Variants in PPFIBP1 observed in about 807,000 individuals in gnomAD.
The protein encoded by PPFIBP1 is liprin-beta-1.
PPFIBP1 carries 112 observed loss-of-function variants against 137.8 expected under a neutral mutation model. The observed-to-expected ratio is 0.81, with a 90% CI of 0.70 to 0.95. PPFIBP1 has a LOEUF of 0.95. PPFIBP1 is among the 40% of genes least tolerant of loss of function. PPFIBP1 has a pLI of 0.00. For missense variants in PPFIBP1, 1,083 were observed against 1,196.6 expected (o/e 0.91, Z 1.40); for synonymous variants, 378 against 417.3 (o/e 0.91, Z 1.15).
intron 2 of PPFIBP1, among the ~76,000 whole-genome samples, chr12:27,588,071 C>T (rs1276642847): frequency 6.6e-6 from 1 of 152,156 alleles, no homozygotes; most frequent in Admixed American, 6.5e-5. Context: ...ATCGTATAGT[C>T]TAGATTCATC....
intron 1 of PPFIBP1, among the ~76,000 whole-genome samples, chr12:27,535,365 T>A (rs1311520615): frequency 6.6e-6 from 1 of 152,194 alleles, no homozygotes; most frequent in Non-Finnish European, 1.5e-5. Context: ...AATTTACTCT[T>A]CATCTTTTTA....
At chr12:27,649,425 A>G (rs896101793) in intron 6 of PPFIBP1, among the ~76,000 whole-genome samples, 1 of 152,240 alleles carries the variant, frequency 6.6e-6, no homozygotes, top group Non-Finnish European at 1.5e-5. Flanking sequence ...CAATGTTATC[A>G]TCAGACTGAA....
At chr12:27,620,875 T>C (rs2056281512) in intron 2 of PPFIBP1, among the ~76,000 whole-genome samples, 1 of 152,254 alleles carries the variant, frequency 6.6e-6, no homozygotes, top group South Asian at 2.1e-4. Flanking sequence ...CCTTCTCACC[T>C]GCTATATATT....
Position 27,682,615 on chromosome 12 carries a change from G to T in PPFIBP1, c.2159G>T (p.Arg720Ile), listed in dbSNP as rs759088187. 6 of 1,613,974 alleles carry T rather than the reference G, an allele frequency of 3.7e-6. No individual in the cohort carries two copies. In the East Asian group the frequency reaches 1.1e-4, roughly 30 times the overall value. ...AGCAACACTGGCCTCTCTCTTTTAG[G>T]ATGGTTGGATGACATTGGCCTCCCT... ...HGKLDFNWVT[R>I]WLDDIGLPQY... The change falls in exon 24 of 30, where the codon AGA becomes ATA. Residue 720 changes from arginine (R) to isoleucine (I), a missense_variant and splice_region_variant. Arg to Ile is a moderately conservative substitution (Grantham distance 97). Coordinates refer to ENST00000228425, the MANE Select transcript of PPFIBP1 (RefSeq NM_003622.4).
chr12:27,581,799 A>G (rs1206400738), intron 2 of PPFIBP1, among the ~76,000 whole-genome samples: 2 of 152,176 alleles, frequency 1.3e-5, no homozygotes, highest in Admixed American at 6.5e-5. Context: ...ATAACTGGAC[A>G]ATATATAAAT....
At chr12:27,581,150 C>T (rs1461135444) in intron 2 of PPFIBP1, among the ~76,000 whole-genome samples, 1 of 152,146 alleles carries the variant, frequency 6.6e-6, no homozygotes, top group African/African-American at 2.4e-5. Context: ...TCACCTTGGC[C>T]TCCCACAGTG....
intron 1 of PPFIBP1, among the ~76,000 whole-genome samples, chr12:27,565,360 T>C (rs1358211384): frequency 1.3e-5 from 2 of 152,178 alleles, no homozygotes; most frequent in Non-Finnish European, 2.9e-5. Flanking sequence ...AAATATCTGG[T>C]TTTCTAGTGA....
intron 1 of PPFIBP1, among the ~76,000 whole-genome samples, chr12:27,564,888 A>G (rs2049509806): frequency 1.3e-5 from 2 of 152,086 alleles, no homozygotes; most frequent in Non-Finnish European, 2.9e-5. Flanking sequence ...GGTGGTCCCC[A>G]GAACCCTTTG....
chr12:27,687,242 G>A (rs2061257942), intron 24 of PPFIBP1, 143 bp from the exon 25 acceptor site: 1 of 929,374 alleles, frequency 1.1e-6, no homozygotes, highest in Non-Finnish European at 1.5e-6. Context: ...TGTTCCAAAT[G>A]GGAAAGTGGG....
At chr12:27,537,108 T>G (rs1233317222) in intron 1 of PPFIBP1, among the ~76,000 whole-genome samples, 2 of 152,060 alleles carry the variant, frequency 1.3e-5, no homozygotes, top group African/African-American at 4.8e-5. Context: ...TGTCTCCTAC[T>G]GGAGCCCTGC....
intron 1 of PPFIBP1, among the ~76,000 whole-genome samples, chr12:27,562,086 CCTCT>C (rs1159131967): frequency 4.6e-5 from 7 of 152,158 alleles, no homozygotes; most frequent in African/African-American, 1.7e-4. Context: ...TAGCGACCCT[CCTCT>C]CTGAGCTCTC....
chr12:27,683,222 C>A (rs573062151), intron 24 of PPFIBP1, among the ~76,000 whole-genome samples: 74 of 152,248 alleles, frequency 4.9e-4, no homozygotes, highest in Admixed American at 1.3e-3. Context: ...CGCCACCATA[C>A]CCAGCTAATT....
At chr12:27,538,872 G>T (rs894625108) in intron 1 of PPFIBP1, among the ~76,000 whole-genome samples, 2 of 152,230 alleles carry the variant, frequency 1.3e-5, no homozygotes, top group African/African-American at 4.8e-5. Flanking sequence ...TTTTGTAGCA[G>T]TAGTTTTCAA....
At chr12:27,678,575 C>A (rs780965039) in intron 19 of PPFIBP1, among the ~76,000 whole-genome samples, 25 of 151,954 alleles carry the variant, frequency 1.6e-4, no homozygotes, top group Non-Finnish European at 3.2e-4. Flanking sequence ...ATTTAAGAGA[C>A]GAGGCCAGGC....
chr12:27,589,403 C>T (rs575992544), intron 2 of PPFIBP1, among the ~76,000 whole-genome samples: 1 of 152,248 alleles, frequency 6.6e-6, no homozygotes, highest in Admixed American at 6.5e-5. Context: ...CCTCGGCCTT[C>T]CAAAGTGCTG....
At chr12:27,605,144 C>T (rs930366601) in intron 2 of PPFIBP1, among the ~76,000 whole-genome samples, 1 of 152,116 alleles carries the variant, frequency 6.6e-6, no homozygotes, top group African/African-American at 2.4e-5. Flanking sequence ...TGGTGGCCTA[C>T]CAGCTTGGGA....
chr12:27,553,794 G>A (rs1280498629), intron 1 of PPFIBP1, among the ~76,000 whole-genome samples: 1 of 152,196 alleles, frequency 6.6e-6, no homozygotes, highest in Non-Finnish European at 1.5e-5. Context: ...ATGGAGTTAA[G>A]CTGGCTGCAG....
intron 3 of PPFIBP1, among the ~76,000 whole-genome samples, chr12:27,633,971 G>A (rs2057454974): frequency 6.6e-6 from 1 of 151,078 alleles, no homozygotes; most frequent in Admixed American, 6.6e-5. Flanking sequence ...CAAGTAGCTG[G>A]GATTACAGGC....
Position 27,676,448 on chromosome 12 carries a change from C to T in PPFIBP1, c.1431C>T (p.Ser477=). Residue 477 remains serine (S), a synonymous_variant, in exon 18 of 30, where the codon AGC becomes AGT. Coordinates refer to ENST00000228425, the MANE Select transcript of PPFIBP1 (RefSeq NM_003622.4). ...KTSEDRAPAE[S]RPFGTLPPRP... ...CTCAGGACAGAGCTCCGGCAGAAAG[C>T]AGGCCATTTGGGACCCTTCCTCCCA... is the stretch of plus-strand genomic sequence containing the variant. The T allele has an allele frequency of 1.9e-6, 3 of 1,546,592 alleles. No homozygotes were observed. Among genetic ancestry groups the T allele is most frequent in the Non-Finnish European group, 2.6e-6 (3 of 1,147,062 alleles).
Sources: allele counts gnomAD v4.1 joint callset (sites outside exome capture counted in the v4.1 genomes callset), GRCh38; gene constraint gnomAD v4.1.1; transcripts MANE v1.5; gene names NCBI Gene and HGNC (gene_info 2026-07-23, HGNC 2026-07-21).